Variants in DIDO1 observed in about 807,000 individuals in gnomAD.
DIDO1 encodes the protein death-inducer obliterator 1.
Under a neutral mutation model 99.4 loss-of-function variants are expected in DIDO1, and 16 were observed. The observed-to-expected ratio is 0.16, with a 90% CI of 0.11 to 0.24. The LOEUF is 0.24. DIDO1 is among the 10% of genes least tolerant of loss of function. DIDO1 has a pLI of 1.00. For missense variants in DIDO1, 2,996 were observed against 3,014.0 expected (o/e 0.99, Z 0.14); for synonymous variants, 1,366 against 1,239.1 (o/e 1.10, Z -2.15).
chr20:62,936,506 G>A (rs1434452571), intron 1 of DIDO1, among the ~76,000 whole-genome samples: 2 of 151,076 alleles, frequency 1.3e-5, no homozygotes, highest in African/African-American at 4.9e-5. Context: ...AGTGAGTCGA[G>A]ATCATGACAG....
At chr20:62,906,812 C>T (rs1298859058) in intron 5 of DIDO1, among the ~76,000 whole-genome samples, 1 of 152,172 alleles carries the variant, frequency 6.6e-6, no homozygotes, top group Non-Finnish European at 1.5e-5. Flanking sequence ...ACCCGCCTCC[C>T]ACTCCTACCT....
chr20:62,907,509 T>G (rs2064834019), intron 4 of DIDO1, 150 bp from the exon 5 acceptor site: 1 of 804,560 alleles, frequency 1.2e-6, no homozygotes, highest in Non-Finnish European at 1.9e-6. Flanking sequence ...AACATTTTGT[T>G]GATTCAAGCT....
Position 62,895,456 on chromosome 20 carries a change from T to C in DIDO1, c.2215-291A>G, listed in dbSNP as rs2147410730. On this transcript the variant is annotated intron_variant, in intron 8 of 15. Transcript: ENST00000395343. ...TTCACGGCCTGTGCTGCACTGGCTCTGCTAAAAAAAAAACAACACACAACA... is the reference window on the plus strand; with the variant it reads ...TTCACGGCCTGTGCTGCACTGGCTCCGCTAAAAAAAAAACAACACACAACA... 3.4e-5 allele frequency among the ~76,000 whole-genome samples: 3 copies of C among 89,038 alleles called. No homozygotes were observed. The South Asian group carries it at 9.8e-4, about 29-fold the overall frequency. The allele number at this position is 89,038 out of a possible 152,430, so 58.4% of individuals were successfully genotyped here.
intron 6 of DIDO1, among the ~76,000 whole-genome samples, chr20:62,901,042 G>A (rs1007415217): frequency 2.0e-5 from 3 of 152,234 alleles, no homozygotes; most frequent in African/African-American, 4.8e-5. Context: ...AAGAGAAAAT[G>A]TTCTGCTTTT....
intron 4 of DIDO1, among the ~76,000 whole-genome samples, chr20:62,908,354 C>G (rs1237298789): frequency 1.3e-5 from 2 of 152,214 alleles, no homozygotes; most frequent in African/African-American, 4.8e-5. Flanking sequence ...CTGGAGACCA[C>G]AGCCCCCGCT....
chr20:62,896,363 G>A lies in DIDO1; in HGVS notation c.2084C>T (p.Thr695Ile). 6.2e-7 allele frequency: 1 copy of A among 1,613,952 alleles called. No homozygotes were observed. Among genetic ancestry groups the A allele is most frequent in the Non-Finnish European group, 8.5e-7 (1 of 1,180,000 alleles). ...GGCAATTTTTCCTACTTCGTTTTCT[G>A]TCATGATTAAGTCATCGCTGTCATT... ...RVNDSDDLIMTENEVGKIALH... is the reference protein window; with the variant it reads ...RVNDSDDLIMIENEVGKIALH... The change falls in exon 8 of 16, where the codon ACA (threonine) becomes ATA (isoleucine). Residue 695 changes from threonine to isoleucine, a missense_variant. Thr to Ile is a moderately conservative substitution (Grantham distance 89). Transcript: ENST00000395343. This position sits in a 1 kb window ranked among gnomAD's most constrained non-coding sequence, Gnocchi z 4.4.
In DIDO1 at chr20:62,911,976, G is replaced by A. The variant is rs1000361695; in HGVS notation, c.-2-362C>T. ...TGTGAGTAAGGACGTGAGCAAGGAC[G>A]CGAGCAGCTCGGAGGTGGCACGAGC... On this transcript the variant is annotated intron_variant, in intron 2 of 15. Transcript: ENST00000395343. This position sits in a 1 kb window ranked among gnomAD's most constrained non-coding sequence, Gnocchi z 7.0. Among the ~76,000 whole-genome samples, 8 of 152,166 alleles carry A rather than the reference G, an allele frequency of 5.3e-5. No individual in the cohort carries two copies. The East Asian group carries it at 9.6e-4, about 18-fold the overall frequency.
At position 62,894,103 on chromosome 20, in the gene DIDO1, G is replaced by A. The variant is rs1275407657; in HGVS notation, c.2664C>T (p.Asp888=). ...CCGGAGCTGGGTCAGGTGCAGAGCTGTCATGCTTTGATTTTAAGTCTTCTT... is the reference window on the plus strand; with the variant it reads ...CCGGAGCTGGGTCAGGTGCAGAGCTATCATGCTTTGATTTTAAGTCTTCTT... The part of the protein sequence containing the change: ...VKKEDLKSKH[D]SSAPDPAPDS... Residue 888 remains aspartate (D), a synonymous_variant, in exon 12 of 16, where the codon GAC becomes GAT. Coordinates refer to ENST00000395343, the MANE Select transcript of DIDO1 (RefSeq NM_001193369.2). This position sits in a 1 kb window ranked among gnomAD's most constrained non-coding sequence, Gnocchi z 4.4. 1 of 1,614,100 alleles carries A rather than the reference G, an allele frequency of 6.2e-7. No individual in the cohort carries two copies. Among genetic ancestry groups the A allele is most frequent in the African/African-American group, 1.3e-5 (1 of 74,928 alleles).
At position 62,878,893 on chromosome 20, in the gene DIDO1, T is replaced by G; in HGVS notation, c.*340A>C. The G allele has an allele frequency of 5.2e-6, 1 of 191,174 alleles. No homozygotes were observed. 11.8% of individuals were successfully genotyped at this position (191,174 alleles called of 1,614,324 possible). A position where few individuals can be genotyped will look rare whatever the true frequency, so the allele number is the denominator to read the frequency against. ...CTTTTGGAAACACAAACGGATGAGATGTCAGTGAAGGTATGGCTCTAGGGT... is the reference window on the plus strand; with the variant it reads ...CTTTTGGAAACACAAACGGATGAGAGGTCAGTGAAGGTATGGCTCTAGGGT... On this transcript the variant is annotated 3_prime_UTR_variant, in exon 16 of 16. Transcript: ENST00000395343.
At chr20:62,897,861 C>T (rs367678832) in intron 6 of DIDO1, among the ~76,000 whole-genome samples, 9 of 152,194 alleles carry the variant, frequency 5.9e-5, no homozygotes, top group African/African-American at 1.4e-4. Context: ...TGAGGTGCAC[C>T]GCATGCCGGG....
chr20:62,879,536 GTCCCGGTGTCGGTCCCAC>G lies in DIDO1; in HGVS notation c.6402_6419del (p.Glu2134_Arg2139del), dbSNP rs748578869. 7 of 1,600,266 alleles carry G rather than the reference GTCCCGGTGTCGGTCCCAC, an allele frequency of 4.4e-6. No individual in the cohort carries two copies. The highest frequency in any genetic ancestry group is 5.1e-6 in the Non-Finnish European group (6 of 1,179,308). ...TGTCCCAGTCCCGGCTGGAGTCCTT[GTCCCGGTGTCGGTCCCAC>G]TCCCGGGGCCGGTCCCAGTCCCGCT... On this transcript the variant is annotated inframe_deletion, in exon 16 of 16. Transcript: ENST00000395343. This position sits in a 1 kb window ranked among gnomAD's most constrained non-coding sequence, Gnocchi z 6.3.
upstream of DIDO1, among the ~76,000 whole-genome samples, chr20:62,927,131 G>A (rs1184510128): frequency 6.6e-6 from 1 of 152,166 alleles, no homozygotes; most frequent in Admixed American, 6.5e-5. Flanking sequence ...AGAGAAAGGA[G>A]CACAGCGAGG....
intron 6 of DIDO1, among the ~76,000 whole-genome samples, chr20:62,900,474 C>A (rs901767375): frequency 1.3e-5 from 2 of 152,184 alleles, no homozygotes; most frequent in Non-Finnish European, 1.5e-5. Context: ...GAAAATCAGG[C>A]CCCCACTGGA....
In DIDO1 at chr20:62,879,822, C is replaced by A; in HGVS notation, c.6134G>T (p.Gly2045Val). Residue 2045 changes from glycine (G) to valine (V), a missense_variant, in exon 16 of 16, where the codon GGG (glycine) becomes GTG (valine). Transcript: ENST00000395343. This position sits in a 1 kb window ranked among gnomAD's most constrained non-coding sequence, Gnocchi z 6.3. The stretch of plus-strand genomic sequence containing the variant: ...ACTGGAGGAGAGCGCGGAGGGCGGC[C>A]CGGCCTCCTCCCAGCGGTCCTTCCG... ...QHRKDRWEEA[G>V]PPSALSSSAP... The A allele has an allele frequency of 1.9e-6, 3 of 1,609,018 alleles. No individual in the cohort carries two copies. The highest frequency in any genetic ancestry group is 2.5e-6 in the Non-Finnish European group (3 of 1,178,676).
At position 62,879,813 on chromosome 20, in the gene DIDO1, G is replaced by A. The variant is rs1443373487; in HGVS notation, c.6143C>T (p.Ser2048Phe). 6.2e-7 allele frequency: 1 copy of A among 1,610,134 alleles called. No individual in the cohort carries two copies. Among genetic ancestry groups the A allele is most frequent in the Admixed American group, 1.7e-5 (1 of 59,890 alleles). ...TCCGGGCGCACTGGAGGAGAGCGCG[G>A]AGGGCGGCCCGGCCTCCTCCCAGCG... is the stretch of plus-strand genomic sequence containing the variant. ...KDRWEEAGPP[S>F]ALSSSAPGQG... The change falls in exon 16 of 16, where the codon TCC becomes TTC. Residue 2048 changes from serine to phenylalanine, a missense_variant. This residue lies in a region of DIDO1 where 1,562 missense variants were observed against 1,412.6 expected (regional missense o/e 1.11). Transcript: ENST00000395343. The surrounding 1 kb of genome is among the most constrained non-coding windows in gnomAD (Gnocchi z 6.3).
chr20:62,891,292 TCA>T, intron 14 of DIDO1, 137 bp from the exon 15 acceptor site: 1 of 1,426,620 alleles, frequency 7.0e-7, no homozygotes, highest in South Asian at 1.4e-5. Context: ...AGCTGCTGTC[TCA>T]GTGAGGCAAT....
At chr20:62,912,990 C>A (rs2147516514) in intron 2 of DIDO1, among the ~76,000 whole-genome samples, 1 of 152,314 alleles carries the variant, frequency 6.6e-6, no homozygotes, top group South Asian at 2.1e-4. Context: ...CGAGATCGCA[C>A]CACTGCACTC....
rs1315928212 is a variant in DIDO1 at position 62,922,221 on chromosome 20, CACACACACACATATATATATAT to C, written c.-200+4196_-200+4217del. On this transcript the variant is annotated intron_variant, in intron 1 of 15. Coordinates refer to ENST00000395343, the MANE Select transcript of DIDO1 (RefSeq NM_001193369.2). The stretch of plus-strand genomic sequence containing the variant: ...GTATATATATATGTACATATATATA[CACACACACACATATATATATAT>C]ACACACACACACATATATATACACA... Among the ~76,000 whole-genome samples, 24 of 88,226 alleles carry C rather than the reference CACACACACACATATATATATAT, an allele frequency of 2.7e-4. 1 individual carries two copies. In the South Asian group the frequency reaches 3.0e-3, roughly 11 times the overall value. The allele number at this position is 88,226 out of a possible 152,430, so 57.9% of individuals were successfully genotyped here.
Position 62,879,746 on chromosome 20 carries a change from G to A in DIDO1, c.6210C>T (p.Phe2070=). 6.2e-7 allele frequency: 1 copy of A among 1,611,686 alleles called. No homozygotes were observed. Among genetic ancestry groups the A allele is most frequent in the South Asian group, 1.1e-5 (1 of 91,086 alleles). ...EADGQWASAD[F]REGKGHEYRN... Reference sequence around the variant, plus strand: ...TGTATTCGTGGCCTTTCCCCTCTCGGAAGTCGGCCGATGCCCACTGTCCGT... The same window carrying A: ...TGTATTCGTGGCCTTTCCCCTCTCGAAAGTCGGCCGATGCCCACTGTCCGT... Residue 2070 remains phenylalanine, a synonymous_variant, in exon 16 of 16, where the codon TTC becomes TTT. Transcript: ENST00000395343. The surrounding 1 kb of genome is among the most constrained non-coding windows in gnomAD (Gnocchi z 6.3).
Sources: gnomAD v4.1 joint callset for allele counts (sites outside exome capture counted in the v4.1 genomes callset) on GRCh38, gnomAD v4.1.1 for gene constraint, gnomAD v4.1.1 regional missense constraint, Gnocchi (gnomAD v3.1) non-coding constraint, MANE v1.5 for transcripts, NCBI Gene and HGNC (gene_info 2026-07-23, HGNC 2026-07-21) for gene names.